BICC1: variants seen among roughly 807,000 people sequenced by gnomAD.
The protein encoded by BICC1 is BicC family RNA binding protein 1.
A neutral mutation model predicts 111.0 loss-of-function variants in BICC1; 43 were observed. The ratio of observed to expected loss-of-function variants is 0.39; its 90% CI spans 0.30 to 0.50. The LOEUF is 0.50. BICC1 is among the 20% of genes least tolerant of loss of function. The probability of loss-of-function intolerance (pLI) is 0.88; values close to 1 mark genes in which losing one functional copy is unlikely to be tolerated. For missense variants in BICC1, 1,091 were observed against 1,203.2 expected, an observed-to-expected ratio of 0.91 and a Z score of 1.38; for synonymous variants, 467 against 434.4, an observed-to-expected ratio of 1.07 and a Z score of -0.93.
intron 1 of BICC1, among the ~76,000 whole-genome samples, chr10:58,606,428 G>A (rs1326242276): frequency 8.7e-6 from 1 of 115,076 alleles, no homozygotes; most frequent in Non-Finnish European, 1.8e-5. Flanking sequence ...TGGGGGAGGG[G>A]GGAGGGATAG....
At chr10:58,694,926 C>T (rs1840025832) in intron 2 of BICC1, among the ~76,000 whole-genome samples, 1 of 152,158 alleles carries the variant, frequency 6.6e-6, no homozygotes, top group East Asian at 1.9e-4. Context: ...CCTTCATAGG[C>T]CAAGGGAGGC....
intron 3 of BICC1, among the ~76,000 whole-genome samples, chr10:58,759,202 T>C (rs1424829435): frequency 6.6e-6 from 1 of 151,980 alleles, no homozygotes; most frequent in African/African-American, 2.4e-5. Context: ...TCAGATGATC[T>C]GACCACCTCA....
chr10:58,588,183 T>G (rs1844488458), intron 1 of BICC1, among the ~76,000 whole-genome samples: 1 of 152,248 alleles, frequency 6.6e-6, no homozygotes, highest in South Asian at 2.1e-4. Flanking sequence ...TAGTATGTAT[T>G]TATTCATGAC....
chr10:58,558,798 TGAGGACCTG>T (rs1843527147), intron 1 of BICC1, among the ~76,000 whole-genome samples: 1 of 152,074 alleles, frequency 6.6e-6, no homozygotes, highest in African/African-American at 2.4e-5. Flanking sequence ...AGGTGTCTAA[TGAGGACCTG>T]TTCCTCATAG....
intron 3 of BICC1, among the ~76,000 whole-genome samples, chr10:58,749,779 T>A (rs57128167): frequency 0.019 from 2,952 of 152,270 alleles, 48 homozygotes; most frequent in African/African-American, 0.042. Flanking sequence ...AGGCACCCAG[T>A]GCTTCAAAGT....
chr10:58,676,513 G>A (rs1414098774), intron 2 of BICC1, among the ~76,000 whole-genome samples: 1 of 152,154 alleles, frequency 6.6e-6, no homozygotes, highest in Non-Finnish European at 1.5e-5. Context: ...CCTCCTCTCT[G>A]GGCAGGGAAT....
chr10:58,551,669 C>G (rs1843298607), intron 1 of BICC1, among the ~76,000 whole-genome samples: 1 of 152,098 alleles, frequency 6.6e-6, no homozygotes, highest in African/African-American at 2.4e-5. Context: ...CCACCCAGCC[C>G]CTGGTAACCA....
In BICC1 at chr10:58,716,226, T is replaced by C. The variant is rs1840735944; in HGVS notation, c.307+14083T>C. The C allele has an allele frequency of 2.0e-6, 3 of 1,495,972 alleles. No homozygotes were observed. In the East Asian group the frequency reaches 7.5e-5, roughly 37 times the overall value. 92.7% of individuals were successfully genotyped at this position (1,495,972 alleles called of 1,614,324 possible). A position where few individuals can be genotyped will look rare whatever the true frequency, so the allele number is the denominator to read the frequency against. On this transcript the variant is annotated intron_variant, in intron 3 of 20. Transcript: ENST00000373886. ...AAGCAACAGAAAAAACAAAAAAGAA[T>C]AAGAAGCATAAGAAACACAGTAAGA...
chr10:58,572,979 T>C (rs865871924), intron 1 of BICC1, among the ~76,000 whole-genome samples: 2 of 152,214 alleles, frequency 1.3e-5, no homozygotes, highest in African/African-American at 4.8e-5. Flanking sequence ...TTGTTTATCT[T>C]GGTGCTTAAG....
chr10:58,513,507 C>T (rs969281471), intron 1 of BICC1, among the ~76,000 whole-genome samples, 174 bp downstream of exon 1: 17 of 152,214 alleles, frequency 1.1e-4, no homozygotes, highest in Non-Finnish European at 2.2e-4. Flanking sequence ...TCGCGGGACT[C>T]CCCACCCTTC....
At chr10:58,724,490 A>G (rs1448168862) in intron 3 of BICC1, among the ~76,000 whole-genome samples, 1 of 152,140 alleles carries the variant, frequency 6.6e-6, no homozygotes, top group Admixed American at 6.6e-5. Context: ...TGCTTTTCCC[A>G]GCCCACTCCA....
Position 58,799,272 on chromosome 10 carries a change from A to ATG in BICC1, c.1725+29_1725+30dup. On this transcript the variant is annotated intron_variant, in intron 12 of 20. Transcript: ENST00000373886. ...GCACAGGTAATGGCCTTCTGCCAGAATGTGTGTGTGATCTGTACTGTTTGT... is the reference window on the plus strand; with the variant it reads ...GCACAGGTAATGGCCTTCTGCCAGAATGTGTGTGTGTGATCTGTACTGTTTGT... 6.4e-7 allele frequency: 1 copy of ATG among 1,560,838 alleles called. No homozygotes were observed. The highest frequency in any genetic ancestry group is 8.7e-7 in the Non-Finnish European group (1 of 1,150,226).
intron 1 of BICC1, among the ~76,000 whole-genome samples, chr10:58,518,976 T>C (rs770774798): frequency 1.9e-4 from 29 of 152,186 alleles, no homozygotes; most frequent in Non-Finnish European, 4.0e-4. Flanking sequence ...ACCAATGACT[T>C]TTACAGGCAA....
chr10:58,807,191 G>A, intron 17 of BICC1, 33 bp downstream of exon 17: 1 of 1,582,854 alleles, frequency 6.3e-7, no homozygotes. Context: ...CATTCTTCCT[G>A]TCTGTTCTTT....
chr10:58,734,373 T>C (rs1841406304), intron 3 of BICC1, among the ~76,000 whole-genome samples: 1 of 152,260 alleles, frequency 6.6e-6, no homozygotes, highest in Non-Finnish European at 1.5e-5. Flanking sequence ...TCTTTGGCTA[T>C]AAATTCCTGA....
chr10:58,564,256 A>G (rs1322486464), intron 1 of BICC1, among the ~76,000 whole-genome samples: 1 of 152,116 alleles, frequency 6.6e-6, no homozygotes, highest in African/African-American at 2.4e-5. Context: ...TTTATTTTCC[A>G]TGGCTATAAA....
At chr10:58,624,801 C>T (rs1189840092) in intron 2 of BICC1, among the ~76,000 whole-genome samples, 1 of 152,032 alleles carries the variant, frequency 6.6e-6, no homozygotes, top group Non-Finnish European at 1.5e-5. Context: ...ACCATGTTGA[C>T]CAGGCTGGTC....
At chr10:58,618,293 C>T (rs973981804) in intron 1 of BICC1, among the ~76,000 whole-genome samples, 4 of 152,220 alleles carry the variant, frequency 2.6e-5, no homozygotes, top group Non-Finnish European at 4.4e-5. Flanking sequence ...CCAAGGCAGA[C>T]ATCCGGTCTT....
At chr10:58,656,458 CT>C (rs1304899603) in intron 2 of BICC1, among the ~76,000 whole-genome samples, 1 of 150,068 alleles carries the variant, frequency 6.7e-6, no homozygotes, top group Non-Finnish European at 1.5e-5. Flanking sequence ...CAATAAAATA[CT>C]GGCAAAATGA....
Sources: gnomAD v4.1 joint callset for allele counts (sites outside exome capture counted in the v4.1 genomes callset) on GRCh38, gnomAD v4.1.1 for gene constraint, MANE v1.5 for transcripts, NCBI Gene and HGNC (gene_info 2026-07-23, HGNC 2026-07-21) for gene names.